The following ERC2 variants were observed in gnomAD, a reference collection of about 807,000 sequenced individuals.
ERC2 encodes the protein ERC protein 2.
In ERC2, 42 loss-of-function variants were observed where a neutral mutation model predicts 114.8. The observed-to-expected ratio is 0.37, with a 90% CI of 0.29 to 0.47. The LOEUF (loss-of-function observed/expected upper bound fraction) is 0.47. Ranked by LOEUF, ERC2 falls within the 20% of genes least tolerant of loss-of-function variation. The probability of loss-of-function intolerance (pLI) is 0.99; values close to 1 mark genes in which losing one functional copy is unlikely to be tolerated. For synonymous variants in ERC2, 454 were observed against 425.5 expected, an observed-to-expected ratio of 1.07 and a Z score of -0.82; for missense variants, 939 against 1,150.7, an observed-to-expected ratio of 0.82 and a Z score of 2.66.
chr3:55,898,555 G>T (rs961971677), intron 13 of ERC2, among the ~76,000 whole-genome samples: 1 of 152,020 alleles, frequency 6.6e-6, no homozygotes, highest in African/African-American at 2.4e-5. Context: ...TGCACCTTCC[G>T]GAGACCTTGT....
intron 14 of ERC2, among the ~76,000 whole-genome samples, chr3:55,762,879 A>G (rs545565284): frequency 1.3e-5 from 2 of 152,356 alleles, no homozygotes; most frequent in South Asian, 2.1e-4. Context: ...ATTATTTCAC[A>G]TAGCTCAAGA....
intron 3 of ERC2, among the ~76,000 whole-genome samples, chr3:56,253,274 AT>A (rs2052300657): frequency 6.6e-6 from 1 of 152,230 alleles, no homozygotes; most frequent in Admixed American, 6.5e-5. Context: ...TTTTAAAATA[AT>A]TTTGATGGCT....
chr3:55,531,374 G>A (rs1002892099), intron 17 of ERC2, among the ~76,000 whole-genome samples: 7 of 152,122 alleles, frequency 4.6e-5, no homozygotes, highest in African/African-American at 1.7e-4. Context: ...CAGTAATTGG[G>A]AGTAACTTCT....
intron 14 of ERC2, among the ~76,000 whole-genome samples, chr3:55,867,324 T>G (rs1255457098): frequency 1.3e-5 from 2 of 148,920 alleles, no homozygotes; most frequent in Non-Finnish European, 3.0e-5. Flanking sequence ...ACACAGTGCC[T>G]AGCACAGGGC....
chr3:55,630,062 G>C (rs923770727), intron 17 of ERC2, among the ~76,000 whole-genome samples: 1 of 152,230 alleles, frequency 6.6e-6, no homozygotes, highest in African/African-American at 2.4e-5. Flanking sequence ...GAGCCAGACT[G>C]GGGGAGCCCT....
At chr3:56,105,588 T>A (rs917170660) in intron 6 of ERC2, among the ~76,000 whole-genome samples, 5 of 152,026 alleles carry the variant, frequency 3.3e-5, no homozygotes, top group Admixed American at 2.6e-4. Flanking sequence ...AGTGTTGGGA[T>A]TATAGGTGTG....
At chr3:55,754,549 T>C (rs2066925260) in intron 14 of ERC2, among the ~76,000 whole-genome samples, 1 of 147,886 alleles carries the variant, frequency 6.8e-6, no homozygotes, top group African/African-American at 2.4e-5. Flanking sequence ...TAAATATGAA[T>C]TTAATTTGCT....
chr3:55,535,721 TG>T (rs2107304224), intron 17 of ERC2, among the ~76,000 whole-genome samples: 1 of 152,292 alleles, frequency 6.6e-6, no homozygotes, highest in South Asian at 2.1e-4. Flanking sequence ...CAACACAGGC[TG>T]GGCGTGGTCG....
chr3:55,590,816 T>C (rs2057839060), intron 17 of ERC2, among the ~76,000 whole-genome samples: 1 of 152,214 alleles, frequency 6.6e-6, no homozygotes. Flanking sequence ...TAATGTCCTC[T>C]TTTATAGCTC....
At chr3:56,453,859 A>G (rs2107530663) in intron 1 of ERC2, among the ~76,000 whole-genome samples, 1 of 152,258 alleles carries the variant, frequency 6.6e-6, no homozygotes, top group Admixed American at 6.5e-5. Context: ...AACAATCCAA[A>G]TAGTGAATGC....
intron 13 of ERC2, among the ~76,000 whole-genome samples, chr3:55,908,538 G>A (rs1015317732): frequency 2.6e-5 from 4 of 152,170 alleles, no homozygotes; most frequent in Non-Finnish European, 5.9e-5. Flanking sequence ...CTTCCAGGGA[G>A]AGATGTGGGC....
chr3:55,523,495 T>C lies in ERC2; in HGVS notation c.*40-12219A>G, dbSNP rs549253222. Reference sequence around the variant, plus strand: ...CCTTGGATGTCAGCTTCAATACCACTTCTTCAGGGGAGCCTTCCTGACTTC... The same window carrying C: ...CCTTGGATGTCAGCTTCAATACCACCTCTTCAGGGGAGCCTTCCTGACTTC... On this transcript the variant is annotated intron_variant, in intron 17 of 17. Transcript: ENST00000288221. Among the ~76,000 whole-genome samples the C allele has an allele frequency of 5.3e-5, 8 of 152,294 alleles. No homozygotes were observed. The East Asian group carries it at 1.4e-3, about 26-fold the overall frequency.
At chr3:56,054,153 G>A (rs538435672) in intron 7 of ERC2, among the ~76,000 whole-genome samples, 133 of 152,322 alleles carry the variant, frequency 8.7e-4, no homozygotes, top group African/African-American at 3.1e-3. Flanking sequence ...ATGATATAAA[G>A]TTGGTCTTTT....
In ERC2 at chr3:56,434,389, G is replaced by C; in HGVS notation, c.619C>G (p.Leu207Val). The C allele has an allele frequency of 6.2e-7, 1 of 1,613,826 alleles. No individual in the cohort carries two copies. Among genetic ancestry groups the C allele is most frequent in the Non-Finnish European group, 8.5e-7 (1 of 1,179,884 alleles). The change falls in exon 2 of 18, where the codon CTC (leucine) becomes GTC (valine). Residue 207 changes from leucine (L) to valine (V), a missense_variant. Around this residue, in one of 5 missense-constraint regions of ERC2, gnomAD observed 281 missense variants for 307.4 expected, o/e 0.91. Coordinates refer to ENST00000288221, the MANE Select transcript of ERC2 (RefSeq NM_015576.3). ...TGGGAAACCCTCATCTGCTCCTTGAGGACAGACATCCGCGCTGCCTCTTCT... is the reference window on the plus strand; with the variant it reads ...TGGGAAACCCTCATCTGCTCCTTGACGACAGACATCCGCGCTGCCTCTTCT... The part of the protein sequence containing the change: ...RKEEAARMSV[L>V]KEQMRVSHEE...
chr3:55,628,919 T>C (rs1264902989), intron 17 of ERC2, among the ~76,000 whole-genome samples: 9 of 151,976 alleles, frequency 5.9e-5, no homozygotes, highest in African/African-American at 1.9e-4. Flanking sequence ...GAGAGTGTCC[T>C]GCTAGCCATG....
chr3:56,311,255 C>CTCTCTATATA (rs1314796268), intron 2 of ERC2, among the ~76,000 whole-genome samples: 4 of 79,062 alleles, frequency 5.1e-5, no homozygotes, highest in African/African-American at 2.3e-4. Context: ...CTCTCTCTCT[C>CTCTCTATATA]TATATATATA....
chr3:56,111,714 T>C (rs2078974336), intron 6 of ERC2, among the ~76,000 whole-genome samples: 1 of 152,196 alleles, frequency 6.6e-6, no homozygotes. Context: ...TTTACCTAAC[T>C]TTACAACAGC....
At chr3:55,743,556 G>A (rs564206588) in intron 14 of ERC2, among the ~76,000 whole-genome samples, 13 of 135,604 alleles carry the variant, frequency 9.6e-5, no homozygotes, top group South Asian at 4.9e-4. Flanking sequence ...CAGTGGACAT[G>A]TGTGAGGCAT....
chr3:56,415,336 T>C (rs1271569900), intron 2 of ERC2, among the ~76,000 whole-genome samples: 1 of 152,228 alleles, frequency 6.6e-6, no homozygotes, highest in African/African-American at 2.4e-5. Flanking sequence ...TAAAATATAA[T>C]TTCCAAATTT....
Sources: allele counts gnomAD v4.1 joint callset (sites outside exome capture counted in the v4.1 genomes callset), GRCh38; gene constraint gnomAD v4.1.1; regional missense constraint gnomAD v4.1.1; transcripts MANE v1.5; gene names NCBI Gene and HGNC (gene_info 2026-07-23, HGNC 2026-07-21).